The following PGPEP1L variants were observed in gnomAD, a reference collection of about 807,000 sequenced individuals.
PGPEP1L encodes the protein pyroglutamyl-peptidase 1-like protein.
Under a neutral mutation model 6.0 loss-of-function variants are expected in PGPEP1L, and 7 were observed. The observed-to-expected ratio is 1.17, with a 90% CI of 0.66 to 2.19. PGPEP1L has a LOEUF of 2.19. Ranked by LOEUF, PGPEP1L falls within the 30% of genes most tolerant of loss-of-function variation. The pLI is 0.00. For missense variants in PGPEP1L, 209 were observed against 192.5 expected (o/e 1.09, Z -0.51); for synonymous variants, 103 against 83.9 (o/e 1.23, Z -1.24).
At position 99,007,671 on chromosome 15, in the gene PGPEP1L, C is replaced by G. The variant is rs1285966897; in HGVS notation, c.-682G>C. ...TTAAGAACGAAGCTGCAGACCTTCA[C>G]GGTGAGCGTTACAGCTCATAAAGGC... On this transcript the variant is annotated 5_prime_UTR_variant, in exon 1 of 5. Coordinates refer to ENST00000535714, the MANE Select transcript of PGPEP1L (RefSeq NM_001167902.2). 3.3e-5 allele frequency: 5 copies of G among 152,128 alleles called. No individual in the cohort carries two copies. Among genetic ancestry groups the G allele is most frequent in the Non-Finnish European group, 7.3e-5 (5 of 68,072 alleles). The allele number at this position is 152,128 out of a possible 1,614,324, so 9.4% of individuals were successfully genotyped here.
Position 98,968,603 on chromosome 15 carries a change from C to T in PGPEP1L, c.304G>A (p.Ala102Thr), listed in dbSNP as rs773854296. The change falls in exon 5 of 5, where the codon GCC (alanine) becomes ACC (threonine). Residue 102 changes from alanine to threonine, a missense_variant. Transcript: ENST00000535714. Reference protein sequence around the residue: ...HVPPLSRGLPASLLGRALRVI... With the variant: ...HVPPLSRGLPTSLLGRALRVI... ...CTCAAGGCTCTTCCCAGCAGGCTGG[C>T]CGGGAGCCCGCGCGATAGTGGAGGG... 1.2e-6 allele frequency: 2 copies of T among 1,609,004 alleles called. No individual in the cohort carries two copies. Among genetic ancestry groups the T allele is most frequent in the South Asian group, 2.2e-5 (2 of 89,786 alleles).
At chr15:98,981,958 G>A (rs2017670589) in intron 2 of PGPEP1L, among the ~76,000 whole-genome samples, 2 of 152,180 alleles carry the variant, frequency 1.3e-5, no homozygotes. Flanking sequence ...TAACATCCGG[G>A]AAAAATGTGG....
chr15:98,984,009 C>CTTTTTTTTTTTTTTTTTTTTTTTT (rs71456904), intron 2 of PGPEP1L, among the ~76,000 whole-genome samples: 2 of 115,726 alleles, frequency 1.7e-5, no homozygotes. Context: ...AGTAAGTAGT[C>CTTTTTTTTTTTTTTTTTTTTTTTT]TTTTTTTTTT....
At chr15:99,006,719 AG>A (rs1467091759) in intron 1 of PGPEP1L, among the ~76,000 whole-genome samples, 1 of 152,234 alleles carries the variant, frequency 6.6e-6, no homozygotes, top group African/African-American at 2.4e-5. Context: ...GGGAGGCTGA[AG>A]CGGGAGGATC....
At chr15:98,970,754 T>C (rs2017481935) in intron 3 of PGPEP1L, among the ~76,000 whole-genome samples, 1 of 152,196 alleles carries the variant, frequency 6.6e-6, no homozygotes, top group Non-Finnish European at 1.5e-5. Flanking sequence ...GCCTCTCCCT[T>C]AGGTGGAAAC....
chr15:98,990,126 T>C (rs1288050796), intron 2 of PGPEP1L, among the ~76,000 whole-genome samples: 1 of 152,098 alleles, frequency 6.6e-6, no homozygotes, highest in Non-Finnish European at 1.5e-5. Context: ...AATTCACACA[T>C]AACAATATTA....
At chr15:99,000,171 C>T (rs1301614070) in intron 2 of PGPEP1L, among the ~76,000 whole-genome samples, 1 of 152,248 alleles carries the variant, frequency 6.6e-6, no homozygotes, top group Non-Finnish European at 1.5e-5. Context: ...CGGCCCCAGG[C>T]AGTGAGGGGC....
At chr15:98,971,532 GA>G (rs1047897383) in intron 2 of PGPEP1L, among the ~76,000 whole-genome samples, 3 of 151,506 alleles carry the variant, frequency 2.0e-5, no homozygotes, top group African/African-American at 7.3e-5. Context: ...AAGTGTGAAG[GA>G]AAAAAAACCC....
chr15:98,976,686 T>C (rs1461694625), intron 2 of PGPEP1L, among the ~76,000 whole-genome samples: 1 of 152,178 alleles, frequency 6.6e-6, no homozygotes, highest in East Asian at 1.9e-4. Flanking sequence ...AATTTTCTGG[T>C]GGCTGAGGCC....
chr15:98,995,981 A>T (rs550069038), intron 2 of PGPEP1L, among the ~76,000 whole-genome samples: 14 of 152,234 alleles, frequency 9.2e-5, no homozygotes, highest in African/African-American at 3.4e-4. Flanking sequence ...CCTGCCTTTT[A>T]AATCATCTGT....
At chr15:98,977,974 C>G (rs1438371033) in intron 2 of PGPEP1L, among the ~76,000 whole-genome samples, 1 of 152,146 alleles carries the variant, frequency 6.6e-6, no homozygotes, top group Non-Finnish European at 1.5e-5. Flanking sequence ...GAACACAGCT[C>G]TCAAGGGAGG....
chr15:98,971,126 T>C lies in PGPEP1L; in HGVS notation c.-109A>G, dbSNP rs756285328. ...GCTCCAGAGTCCGCAGCTGCACCAC[T>C]GTTTCATTCCCCAGGCCCAGCTTGG... On this transcript the variant is annotated 5_prime_UTR_variant, in exon 3 of 5. Coordinates refer to ENST00000535714, the MANE Select transcript of PGPEP1L (RefSeq NM_001167902.2). 4 of 1,578,916 alleles carry C rather than the reference T, an allele frequency of 2.5e-6. No homozygotes were observed. Among genetic ancestry groups the C allele is most frequent in the Admixed American group, 3.4e-5 (2 of 58,610 alleles).
rs1156757525 is a variant in PGPEP1L, at chr15:98,971,069, C to A, written c.-52G>T. On this transcript the variant is annotated 5_prime_UTR_variant, in exon 3 of 5. Transcript: ENST00000535714. ...GATGATCTTCCCAGATTCCGGTGAC[C>A]CTCCGCTTAGCCTCCCTGTAATCTA... The A allele has an allele frequency of 1.2e-6, 2 of 1,613,638 alleles. No homozygotes were observed. Among genetic ancestry groups the A allele is most frequent in the Non-Finnish European group, 1.7e-6 (2 of 1,179,828 alleles).
intron 2 of PGPEP1L, among the ~76,000 whole-genome samples, chr15:98,987,406 T>C (rs2017762923): frequency 6.6e-6 from 1 of 151,824 alleles, no homozygotes; most frequent in Non-Finnish European, 1.5e-5. Flanking sequence ...CAACATTCCA[T>C]CAGGAGCAAA....
At position 99,007,615 on chromosome 15, in the gene PGPEP1L, T is replaced by C. The variant is rs2018100958; in HGVS notation, c.-626A>G. On this transcript the variant is annotated 5_prime_UTR_variant, in exon 1 of 5. Coordinates refer to ENST00000535714, the MANE Select transcript of PGPEP1L (RefSeq NM_001167902.2). ...AGGTGGCGTGTTTGGAGTTATTCGT[T>C]TCTCCCGGTGGGTCCGTGATGTGGC... 1 of 152,058 alleles carries C rather than the reference T, an allele frequency of 6.6e-6. No homozygotes were observed. The highest frequency in any genetic ancestry group is 2.4e-5 in the African/African-American group (1 of 41,428). 9.4% of individuals were successfully genotyped at this position (152,058 alleles called of 1,614,324 possible).
chr15:99,000,945 G>A (rs2017958883), intron 2 of PGPEP1L, among the ~76,000 whole-genome samples: 1 of 152,084 alleles, frequency 6.6e-6, no homozygotes. Context: ...TTTATGAGCT[G>A]TAACTCACCA....
intron 2 of PGPEP1L, among the ~76,000 whole-genome samples, chr15:98,977,057 GT>G (rs372235413): frequency 1.1e-3 from 158 of 149,884 alleles, no homozygotes; most frequent in African/African-American, 3.5e-3. Flanking sequence ...AGTAGTTTGA[GT>G]ATGGAACCAG....
chr15:99,002,498 G>A (rs1410636153), intron 2 of PGPEP1L, among the ~76,000 whole-genome samples: 1 of 148,606 alleles, frequency 6.7e-6, no homozygotes, highest in African/African-American at 2.5e-5. Context: ...ACACACACAC[G>A]CACACATACT....
chr15:98,992,889 G>A (rs1424436416), intron 2 of PGPEP1L, among the ~76,000 whole-genome samples: 1 of 152,198 alleles, frequency 6.6e-6, no homozygotes, highest in Non-Finnish European at 1.5e-5. Context: ...AAACTGGCTA[G>A]CCATATGCAG....
Sources: gnomAD v4.1 joint callset for allele counts (sites outside exome capture counted in the v4.1 genomes callset) on GRCh38, gnomAD v4.1.1 for gene constraint, MANE v1.5 for transcripts, NCBI Gene and HGNC (gene_info 2026-07-23, HGNC 2026-07-21) for gene names.